Variants in DACH1 observed in about 807,000 individuals in gnomAD.
DACH1 encodes dachshund family transcription factor 1.
In DACH1, 12 loss-of-function variants were observed where a neutral mutation model predicts 54.2. That is an observed-to-expected ratio of 0.22 (90% CI 0.14 to 0.36). DACH1 has a LOEUF of 0.36. Ranked by LOEUF, DACH1 falls within the 10% of genes least tolerant of loss-of-function variation. The probability of loss-of-function intolerance (pLI) is 1.00; values close to 1 mark genes in which losing one functional copy is unlikely to be tolerated. For missense variants in DACH1, 805 were observed against 929.8 expected, an observed-to-expected ratio of 0.87 and a Z score of 1.75; for synonymous variants, 386 against 366.2, an observed-to-expected ratio of 1.05 and a Z score of -0.62.
At chr13:71,718,015 C>T (rs1002041888) in intron 1 of DACH1, among the ~76,000 whole-genome samples, 1 of 151,960 alleles carries the variant, frequency 6.6e-6, no homozygotes, top group Non-Finnish European at 1.5e-5. Context: ...TGTAGAATCA[C>T]GTGTCCCAGT....
chr13:71,744,460 G>A (rs568863259), intron 1 of DACH1, among the ~76,000 whole-genome samples: 7 of 152,212 alleles, frequency 4.6e-5, no homozygotes, highest in African/African-American at 1.7e-4. Flanking sequence ...CCTGGAGGAC[G>A]GTAGAGCCAG....
intron 1 of DACH1, among the ~76,000 whole-genome samples, chr13:71,684,081 C>A (rs904253883): frequency 7.2e-5 from 11 of 151,984 alleles, no homozygotes; most frequent in African/African-American, 2.7e-4. Flanking sequence ...TCTGAGGTTA[C>A]CTTTCTAATC....
In DACH1 at chr13:71,732,838, G is replaced by T. The variant is rs1883812043; in HGVS notation, c.849-50928C>A. ...ATCTAACCGTCTCTAGAAACAGTTT[G>T]TCAATCACTCCCCTATAGGTTATTT... On this transcript the variant is annotated intron_variant, in intron 1 of 10. Transcript: ENST00000613252. Among the ~76,000 whole-genome samples the T allele has an allele frequency of 2.0e-5, 3 of 152,064 alleles. No individual in the cohort carries two copies. In the South Asian group the frequency reaches 6.2e-4, roughly 32 times the overall value.
At chr13:71,457,530 A>C (rs576308840) in intron 10 of DACH1, among the ~76,000 whole-genome samples, 164 of 152,136 alleles carry the variant, frequency 1.1e-3, no homozygotes, top group African/African-American at 3.8e-3. Flanking sequence ...CTCCCACGAA[A>C]AAAAAAGCTG....
intron 1 of DACH1, among the ~76,000 whole-genome samples, chr13:71,832,646 T>C (rs575725421): frequency 6.2e-4 from 94 of 152,042 alleles, no homozygotes; most frequent in African/African-American, 2.0e-3. Context: ...TTTTTTTTGT[T>C]ATTATAGAAG....
chr13:71,739,828 G>A (rs1030054735), intron 1 of DACH1, among the ~76,000 whole-genome samples: 1 of 152,168 alleles, frequency 6.6e-6, no homozygotes, highest in Non-Finnish European at 1.5e-5. Flanking sequence ...ATAGAATGCT[G>A]TTACAAATTT....
intron 2 of DACH1, among the ~76,000 whole-genome samples, chr13:71,650,350 T>A (rs1177223977): frequency 6.6e-6 from 1 of 152,200 alleles, no homozygotes; most frequent in Non-Finnish European, 1.5e-5. Context: ...CTTGGTATAT[T>A]ACAGCAGCAA....
intron 1 of DACH1, among the ~76,000 whole-genome samples, chr13:71,862,023 C>A (rs1368084690): frequency 6.6e-6 from 1 of 151,346 alleles, no homozygotes; most frequent in Admixed American, 6.6e-5. Flanking sequence ...ATATTTTGTC[C>A]ATGGATGGTA....
intron 3 of DACH1, among the ~76,000 whole-genome samples, chr13:71,574,296 C>A (rs1029852901): frequency 6.6e-5 from 10 of 151,990 alleles, no homozygotes; most frequent in Admixed American, 4.6e-4. Context: ...GATGTGCTCC[C>A]AAATTAAATT....
intron 1 of DACH1, among the ~76,000 whole-genome samples, chr13:71,736,737 A>C (rs1357668278): frequency 1.3e-5 from 2 of 152,184 alleles, no homozygotes; most frequent in Non-Finnish European, 2.9e-5. Flanking sequence ...GAGCAGTAAT[A>C]GTGTGTTTTC....
chr13:71,705,959 T>C (rs1243264750), intron 1 of DACH1, among the ~76,000 whole-genome samples: 1 of 152,082 alleles, frequency 6.6e-6, no homozygotes. Context: ...TCTGTACCCT[T>C]GTACAATAGC....
At position 71,629,541 on chromosome 13, in the gene DACH1, G is replaced by A. The variant is rs181180914; in HGVS notation, c.1126+1015C>T. On this transcript the variant is annotated intron_variant, in intron 3 of 10. Transcript: ENST00000613252. ...CTGTGTATGTTTCCAGACAGCTCTT[G>A]TGAAAATGATTGTTACTAAAATCCA... 5.9e-5 allele frequency among the ~76,000 whole-genome samples: 9 copies of A among 152,202 alleles called. No individual in the cohort carries two copies. In the East Asian group the frequency reaches 1.7e-3, roughly 29 times the overall value.
intron 6 of DACH1, among the ~76,000 whole-genome samples, chr13:71,512,562 T>C (rs1174164139): frequency 6.6e-6 from 1 of 151,898 alleles, no homozygotes; most frequent in Admixed American, 6.6e-5. Flanking sequence ...TTTGGTCCAG[T>C]AGACCAATAA....
At chr13:71,748,879 TTTC>T (rs1332720303) in intron 1 of DACH1, among the ~76,000 whole-genome samples, 120 of 25,868 alleles carry the variant, frequency 4.6e-3, no homozygotes, top group Middle Eastern at 0.017. Flanking sequence ...TCTTTCTTTC[TTTC>T]TTTCTTTCTT....
intron 6 of DACH1, among the ~76,000 whole-genome samples, chr13:71,551,657 A>G (rs1020759124): frequency 5.3e-5 from 8 of 152,180 alleles, no homozygotes; most frequent in Non-Finnish European, 8.8e-5. Context: ...ATTTTTAAAC[A>G]ATGAGAACTG....
rs1874733764 is a variant in DACH1 at position 71,866,047 on chromosome 13, C to A, written c.723G>T (p.Val241=). 6.2e-7 allele frequency: 1 copy of A among 1,613,748 alleles called. No individual in the cohort carries two copies. Among genetic ancestry groups the A allele is most frequent in the African/African-American group, 1.3e-5 (1 of 74,852 alleles). ...TKLKRLEITP[V]VCNVEQVRIL... Reference sequence around the variant, plus strand: ...TGCGAACTTGTTCCACATTGCACACCACCGGCGTGATCTCCAGCCGCTTCA... The same window carrying A: ...TGCGAACTTGTTCCACATTGCACACAACCGGCGTGATCTCCAGCCGCTTCA... Residue 241 remains valine (V), a synonymous_variant, in exon 1 of 11, where the codon GTG becomes GTT. Coordinates refer to ENST00000613252, the MANE Select transcript of DACH1 (RefSeq NM_080759.6).
chr13:71,579,213 G>A (rs1885715140), intron 3 of DACH1, among the ~76,000 whole-genome samples: 1 of 151,972 alleles, frequency 6.6e-6, no homozygotes, highest in Admixed American at 6.6e-5. Context: ...ACATAATACT[G>A]ATGCTATTAG....
At chr13:71,720,737 AT>A (rs1331724638) in intron 1 of DACH1, among the ~76,000 whole-genome samples, 1 of 152,188 alleles carries the variant, frequency 6.6e-6, no homozygotes, top group Non-Finnish European at 1.5e-5. Flanking sequence ...AAAGATCCAG[AT>A]CAATATAAAG....
intron 1 of DACH1, among the ~76,000 whole-genome samples, chr13:71,849,970 GT>G (rs1566542012): frequency 6.6e-6 from 1 of 152,178 alleles, no homozygotes; most frequent in African/African-American, 2.4e-5. Context: ...ACATCCAGAC[GT>G]GTGTACACAA....
Sources: gnomAD v4.1 joint callset for allele counts (sites outside exome capture counted in the v4.1 genomes callset) on GRCh38, gnomAD v4.1.1 for gene constraint, MANE v1.5 for transcripts, NCBI Gene and HGNC (gene_info 2026-07-23, HGNC 2026-07-21) for gene names.